ABCA13: variants seen among roughly 807,000 people sequenced by gnomAD.
ABCA13 encodes the protein ATP-binding cassette sub-family A member 13.
A neutral mutation model predicts 478.7 loss-of-function variants in ABCA13; 476 were observed. The ratio of observed to expected loss-of-function variants is 0.99; its 90% CI spans 0.92 to 1.07. The LOEUF (loss-of-function observed/expected upper bound fraction) is 1.07, where lower values mean the gene tolerates loss of function less well. Among genes scored for constraint, ABCA13 ranks in the 50% least tolerant of loss-of-function variants. The probability of loss-of-function intolerance (pLI) is 0.00; values close to 1 mark genes in which losing one functional copy is unlikely to be tolerated. For missense variants in ABCA13, 6,060 were observed against 5,910.6 expected (o/e 1.03, Z -0.83); for synonymous variants, 2,252 against 2,158.9 (o/e 1.04, Z -1.20).
At chr7:48,266,628 A>G (rs1407492091) in intron 15 of ABCA13, among the ~76,000 whole-genome samples, 3 of 151,732 alleles carry the variant, frequency 2.0e-5, no homozygotes, top group Admixed American at 2.0e-4. Context: ...CAATCTTATT[A>G]TTGATCTTCT....
At chr7:48,478,736 C>T (rs923864485) in intron 45 of ABCA13, among the ~76,000 whole-genome samples, 5 of 152,012 alleles carry the variant, frequency 3.3e-5, no homozygotes, top group African/African-American at 9.7e-5. Flanking sequence ...AAAACATTCT[C>T]CTTGGTGAGT....
chr7:48,606,702 C>G (rs1791501864), intron 58 of ABCA13, among the ~76,000 whole-genome samples: 1 of 152,172 alleles, frequency 6.6e-6, no homozygotes, highest in Non-Finnish European at 1.5e-5. Flanking sequence ...CAGAGACCCA[C>G]TTGAGGAGGC....
rs1815632107 is a variant in ABCA13, at chr7:48,389,040, G to A, written c.11474G>A (p.Gly3825Glu). The change falls in exon 37 of 62, where the codon GGG becomes GAG. Residue 3825 changes from glycine (G) to glutamate (E), a missense_variant and splice_region_variant. Around this residue, in one of 3 missense-constraint regions of ABCA13, gnomAD observed 1,627 missense variants for 1,571.0 expected, o/e 1.04. Coordinates refer to ENST00000435803, the MANE Select transcript of ABCA13 (RefSeq NM_152701.5). ...CAATGAATTTTCATCTCTCTCACAG[G>A]GTCATCACTGCAAAACAGGGAAGGA... Reference protein sequence around the residue: ...FFFNENFDNKGSSLQNREGEL... With the variant: ...FFFNENFDNKESSLQNREGEL... 6.8e-6 allele frequency: 11 copies of A among 1,613,326 alleles called. No individual in the cohort carries two copies. The highest frequency in any genetic ancestry group is 1.1e-5 in the South Asian group (1 of 90,974).
chr7:48,627,094 A>C, intron 59 of ABCA13: 1 of 964,358 alleles, frequency 1.0e-6, no homozygotes, highest in Non-Finnish European at 1.2e-6. Context: ...CAATTTGCCA[A>C]ATGCTTTCTG....
chr7:48,604,053 T>C (rs937105850), intron 58 of ABCA13, among the ~76,000 whole-genome samples: 2 of 152,230 alleles, frequency 1.3e-5, no homozygotes, highest in Non-Finnish European at 2.9e-5. Flanking sequence ...TGGTAGTTTG[T>C]ATTTCTGTGG....
chr7:48,175,722 A>G (rs184885758), intron 1 of ABCA13, among the ~76,000 whole-genome samples: 2 of 152,250 alleles, frequency 1.3e-5, no homozygotes, highest in East Asian at 3.9e-4. Flanking sequence ...CGGTGGACCT[A>G]TGTGATATAT....
Position 48,367,884 on chromosome 7 carries a change from T to A in ABCA13, c.10779T>A (p.Tyr3593Ter). The change falls in exon 32 of 62, where the codon TAT becomes TAA. Residue 3593 changes from tyrosine (Y) to a stop codon, truncating the protein, a stop_gained. Transcript: ENST00000435803. LOFTEE classifies it high-confidence loss of function. Reference protein sequence around the residue: ...SVASMVRKLVYEQEIQIEEYM... With the variant: ...SVASMVRKLV Reference sequence around the variant, plus strand: ...CCAGCATGGTCAGAAAGTTGGTGTATGAGCAGGAGATACAGATAGAAGAGG... The same window carrying A: ...CCAGCATGGTCAGAAAGTTGGTGTAAGAGCAGGAGATACAGATAGAAGAGG... 6.3e-7 allele frequency: 1 copy of A among 1,577,924 alleles called. No individual in the cohort carries two copies. The highest frequency in any genetic ancestry group is 8.6e-7 in the Non-Finnish European group (1 of 1,160,686).
At chr7:48,206,751 G>T (rs929604807) in intron 3 of ABCA13, among the ~76,000 whole-genome samples, 1 of 151,894 alleles carries the variant, frequency 6.6e-6, no homozygotes, top group Non-Finnish European at 1.5e-5. Context: ...AGGGTAATCA[G>T]GATATCCATC....
chr7:48,445,365 AT>A (rs1824160504), intron 42 of ABCA13, among the ~76,000 whole-genome samples: 1 of 152,108 alleles, frequency 6.6e-6, no homozygotes, highest in African/African-American at 2.4e-5. Context: ...CAAATATTTA[AT>A]GGTTTTTCAT....
At chr7:48,184,778 C>CCA in intron 1 of ABCA13, among the ~76,000 whole-genome samples, 1 of 152,272 alleles carries the variant, frequency 6.6e-6, no homozygotes, top group Admixed American at 6.5e-5. Flanking sequence ...TGAGATTGCA[C>CCA]CACTGCACTT....
At chr7:48,249,118 T>C in intron 14 of ABCA13, 94 bp from the exon 15 acceptor site, 2 of 1,088,838 alleles carry the variant, frequency 1.8e-6, no homozygotes, top group Non-Finnish European at 2.6e-6. Context: ...GCCATGCATT[T>C]GCATATATTT....
At chr7:48,431,463 T>G (rs1457359705) in intron 42 of ABCA13, among the ~76,000 whole-genome samples, 1 of 152,236 alleles carries the variant, frequency 6.6e-6, no homozygotes, top group Non-Finnish European at 1.5e-5. Flanking sequence ...GAAAAGAATG[T>G]TCATCTGTTG....
intron 41 of ABCA13, among the ~76,000 whole-genome samples, chr7:48,427,082 T>C (rs1392242550): frequency 1.3e-5 from 2 of 152,112 alleles, no homozygotes; most frequent in African/African-American, 4.8e-5. Context: ...ACTCCATAAA[T>C]CCCTGCCAGC....
Position 48,432,727 on chromosome 7 carries a change from G to T in ABCA13, c.12565+4856G>T, listed in dbSNP as rs1015429554. 9.3e-4 allele frequency among the ~76,000 whole-genome samples: 142 copies of T among 152,202 alleles called. 1 individual carries two copies. Among genetic ancestry groups the T allele is most frequent in the African/African-American group, 3.3e-3 (136 of 41,564 alleles). The stretch of plus-strand genomic sequence containing the variant: ...AGTGAAATAAGCTAGGAACAGAAAG[G>T]CAAATGCTACATAATGTCACATATA... On this transcript the variant is annotated intron_variant, in intron 42 of 61. Transcript: ENST00000435803.
chr7:48,417,693 A>G (rs762556858), intron 41 of ABCA13, among the ~76,000 whole-genome samples: 63 of 152,142 alleles, frequency 4.1e-4, no homozygotes, highest in Admixed American at 3.0e-3. Flanking sequence ...ACACATCACC[A>G]TCCAGCCCAT....
chr7:48,339,977 A>G (rs985318292), intron 29 of ABCA13, among the ~76,000 whole-genome samples: 4 of 152,138 alleles, frequency 2.6e-5, no homozygotes, highest in African/African-American at 9.7e-5. Context: ...TACCTAGGTC[A>G]TACTCACTTT....
intron 55 of ABCA13, among the ~76,000 whole-genome samples, chr7:48,574,291 T>C (rs1451462734): frequency 6.6e-6 from 1 of 152,160 alleles, no homozygotes; most frequent in African/African-American, 2.4e-5. Context: ...ATGATCTTAC[T>C]AAATACGTTT....
At chr7:48,404,841 C>T (rs1818051100) in intron 39 of ABCA13, among the ~76,000 whole-genome samples, 1 of 152,162 alleles carries the variant, frequency 6.6e-6, no homozygotes, top group East Asian at 1.9e-4. Context: ...CATAGAAGAT[C>T]AATCTGTTTC....
intron 29 of ABCA13, among the ~76,000 whole-genome samples, chr7:48,342,689 T>A (rs559388585): frequency 6.6e-6 from 1 of 152,304 alleles, no homozygotes; most frequent in East Asian, 1.9e-4. Context: ...TCTGCTTTCC[T>A]CTGCAACTCT....
Sources: allele counts gnomAD v4.1 joint callset (sites outside exome capture counted in the v4.1 genomes callset), GRCh38; gene constraint gnomAD v4.1.1; regional missense constraint gnomAD v4.1.1; transcripts MANE v1.5; gene names NCBI Gene and HGNC (gene_info 2026-07-23, HGNC 2026-07-21).